THSD4: variants seen among roughly 807,000 people sequenced by gnomAD.
The protein encoded by THSD4 is thrombospondin type-1 domain-containing protein 4.
Under a neutral mutation model 119.0 loss-of-function variants are expected in THSD4, and 69 were observed. That is an observed-to-expected ratio of 0.58 (90% confidence interval 0.48 to 0.71). The LOEUF (loss-of-function observed/expected upper bound fraction) is 0.71, where lower values mean the gene tolerates loss of function less well. Among genes scored for constraint, THSD4 ranks in the 30% least tolerant of loss-of-function variants. The pLI is 0.00. For missense variants in THSD4, 1,393 were observed against 1,391.1 expected, an observed-to-expected ratio of 1.00 and a Z score of -0.02; for synonymous variants, 524 against 540.4, an observed-to-expected ratio of 0.97 and a Z score of 0.42.
intron 5 of THSD4, among the ~76,000 whole-genome samples, chr15:71,248,579 T>G (rs1233644986): frequency 6.6e-6 from 1 of 152,202 alleles, no homozygotes; most frequent in Non-Finnish European, 1.5e-5. Context: ...TTCCTGGGGC[T>G]AAAAGCAGCT....
At chr15:71,220,243 C>T (rs1346252249) in intron 4 of THSD4, among the ~76,000 whole-genome samples, 1 of 152,144 alleles carries the variant, frequency 6.6e-6, no homozygotes, top group Non-Finnish European at 1.5e-5. Context: ...ATGGAACAGT[C>T]AGGGAAGACT....
intron 5 of THSD4, among the ~76,000 whole-genome samples, chr15:71,250,008 A>G (rs2044243691): frequency 6.6e-6 from 1 of 152,240 alleles, no homozygotes; most frequent in South Asian, 2.1e-4. Context: ...AGGAAAAATC[A>G]GTTAACTCCT....
intron 1 of THSD4, among the ~76,000 whole-genome samples, chr15:71,131,591 A>G (rs1033627079): frequency 6.6e-6 from 1 of 152,238 alleles, no homozygotes; most frequent in Non-Finnish European, 1.5e-5. Context: ...ATCGATTCCA[A>G]CTTTACCAAT....
intron 5 of THSD4, among the ~76,000 whole-genome samples, chr15:71,250,255 A>G (rs960770280): frequency 6.6e-6 from 1 of 152,176 alleles, no homozygotes; most frequent in African/African-American, 2.4e-5. Context: ...AGCAGAGGGG[A>G]AGGAAGCCAG....
intron 1 of THSD4, among the ~76,000 whole-genome samples, chr15:71,108,600 C>A (rs1055992038): frequency 2.0e-5 from 3 of 152,182 alleles, no homozygotes; most frequent in Admixed American, 1.3e-4. Context: ...TAGCTCAAGG[C>A]CCACCAGATG....
chr15:71,349,230 G>A (rs868468744), intron 6 of THSD4, among the ~76,000 whole-genome samples: 1 of 152,222 alleles, frequency 6.6e-6, no homozygotes, highest in Non-Finnish European at 1.5e-5. Flanking sequence ...AGGGATTAAA[G>A]TAGATATGTT....
intron 7 of THSD4, among the ~76,000 whole-genome samples, chr15:71,554,097 T>TTTTG (rs934445878): frequency 2.0e-5 from 3 of 147,948 alleles, no homozygotes; most frequent in Non-Finnish European, 4.5e-5. Context: ...TTGGTTTGGT[T>TTTTG]TTTTTTTTTT....
chr15:71,660,557 T>G lies in THSD4; in HGVS notation c.1180T>G (p.Ser394Ala). The change falls in exon 8 of 18, where the codon TCC becomes GCC. Residue 394 changes from serine (S) to alanine (A), a missense_variant. By Grantham distance (99) the Ser-to-Ala change is moderately conservative (BLOSUM62 1). Coordinates refer to ENST00000261862, the MANE Select transcript of THSD4 (RefSeq NM_024817.3). ...KSIGCDDYLG[S>A]DKVVDKCGVC... ...CATTGGCTGTGATGACTACTTAGGC[T>G]CCGACAAAGTCGTGGACAAATGTGG... The G allele has an allele frequency of 1.2e-6, 2 of 1,614,168 alleles. No homozygotes were observed. Among genetic ancestry groups the G allele is most frequent in the Non-Finnish European group, 1.7e-6 (2 of 1,180,020 alleles).
chr15:71,776,669 T>A (rs962681175), intron 17 of THSD4, among the ~76,000 whole-genome samples: 1 of 151,868 alleles, frequency 6.6e-6, no homozygotes, highest in Admixed American at 6.5e-5. Context: ...CAAAACTACT[T>A]AAAAGCATTG....
At chr15:71,459,259 A>G (rs915341725) in intron 7 of THSD4, among the ~76,000 whole-genome samples, 2 of 150,580 alleles carry the variant, frequency 1.3e-5, no homozygotes, top group Middle Eastern at 3.4e-3. Context: ...CTCAGGTTCA[A>G]GCGATTCTCT....
intron 6 of THSD4, among the ~76,000 whole-genome samples, chr15:71,309,062 A>G (rs1238735189): frequency 2.6e-5 from 4 of 152,126 alleles, no homozygotes; most frequent in African/African-American, 9.7e-5. Flanking sequence ...TGATTCTCCC[A>G]CTTCAGCCTC....
At chr15:71,472,827 G>T (rs576079925) in intron 7 of THSD4, among the ~76,000 whole-genome samples, 69 of 152,222 alleles carry the variant, frequency 4.5e-4, no homozygotes, top group Admixed American at 2.4e-3. Flanking sequence ...ACTTTGCATT[G>T]TAAATTTAGA....
At chr15:71,107,731 C>T (rs973595570) in intron 1 of THSD4, among the ~76,000 whole-genome samples, 13 of 152,142 alleles carry the variant, frequency 8.5e-5, no homozygotes, top group Admixed American at 3.9e-4. Context: ...AAAAAAGGGA[C>T]GGACCAAGAA....
chr15:71,512,820 A>T (rs1030664769), intron 7 of THSD4, among the ~76,000 whole-genome samples: 1 of 152,160 alleles, frequency 6.6e-6, no homozygotes, highest in Non-Finnish European at 1.5e-5. Context: ...TGAAACATCC[A>T]TACGAGAGTA....
At chr15:71,714,276 G>A (rs12900381) in intron 8 of THSD4, among the ~76,000 whole-genome samples, 11 of 151,920 alleles carry the variant, frequency 7.2e-5, no homozygotes, top group African/African-American at 2.2e-4. Flanking sequence ...GTGTGTTGGG[G>A]GGGGAGGGGT....
chr15:71,429,106 T>G (rs2046910366), intron 7 of THSD4, among the ~76,000 whole-genome samples: 1 of 152,212 alleles, frequency 6.6e-6, no homozygotes. Flanking sequence ...CTCTGAAGGT[T>G]CACTGACAAA....
At chr15:71,315,051 C>G (rs1483280282) in intron 6 of THSD4, among the ~76,000 whole-genome samples, 1 of 152,156 alleles carries the variant, frequency 6.6e-6, no homozygotes, top group East Asian at 1.9e-4. Flanking sequence ...CCCACTCCCC[C>G]AGGATGACCT....
intron 14 of THSD4, among the ~76,000 whole-genome samples, chr15:71,757,561 T>TC (rs2053563854): frequency 4.0e-4 from 1 of 2,482 alleles, no homozygotes; most frequent in African/African-American, 2.7e-3. Flanking sequence ...CTCCCAAAGC[T>TC]CTGGTACCAC....
intron 6 of THSD4, among the ~76,000 whole-genome samples, chr15:71,351,683 C>T (rs1252656261): frequency 1.3e-5 from 2 of 152,214 alleles, no homozygotes; most frequent in African/African-American, 2.4e-5. Flanking sequence ...GAGACTGTCA[C>T]CAGTGAGTGG....
Sources: allele counts gnomAD v4.1 joint callset (sites outside exome capture counted in the v4.1 genomes callset), GRCh38; gene constraint gnomAD v4.1.1; transcripts MANE v1.5; gene names NCBI Gene and HGNC (gene_info 2026-07-23, HGNC 2026-07-21).